Variants in XKR4 observed in about 807,000 individuals in gnomAD.
The protein encoded by XKR4 is XK-related protein 4.
XKR4 carries 12 observed loss-of-function variants against 53.9 expected under a neutral mutation model. The ratio of observed to expected loss-of-function variants is 0.22; its 90% CI spans 0.14 to 0.36. The LOEUF is 0.36. Among genes scored for constraint, XKR4 ranks in the 10% least tolerant of loss-of-function variants. The pLI, the probability that XKR4 is intolerant of heterozygous loss-of-function variation, is 1.00. For synonymous variants in XKR4, 354 were observed against 362.4 expected (o/e 0.98, Z 0.26); for missense variants, 799 against 859.5 (o/e 0.93, Z 0.88).
intron 2 of XKR4, among the ~76,000 whole-genome samples, chr8:55,503,012 A>G (rs552238844): frequency 4.6e-5 from 7 of 152,016 alleles, no homozygotes; most frequent in African/African-American, 1.7e-4. Context: ...TTGACCATCT[A>G]TGTGGGGGTA....
intron 2 of XKR4, among the ~76,000 whole-genome samples, chr8:55,444,539 G>A (rs1306255520): frequency 6.6e-6 from 1 of 152,124 alleles, no homozygotes; most frequent in African/African-American, 2.4e-5. Context: ...TGAATGATTT[G>A]GGCATTTCAC....
At chr8:55,255,020 G>A (rs7008285) in intron 1 of XKR4, among the ~76,000 whole-genome samples, 76,118 of 152,100 alleles carry the variant, frequency 0.5, 21,945 homozygotes, top group Non-Finnish European at 0.66. Flanking sequence ...CCAGTGCACC[G>A]AATTTAAGCT....
At chr8:55,505,592 T>A (rs1255424439) in intron 2 of XKR4, among the ~76,000 whole-genome samples, 2 of 152,184 alleles carry the variant, frequency 1.3e-5, no homozygotes, top group Non-Finnish European at 2.9e-5. Context: ...AAAGAGTATG[T>A]AGTTTAATTT....
intron 2 of XKR4, among the ~76,000 whole-genome samples, chr8:55,402,301 G>C (rs118041923): frequency 6.6e-6 from 1 of 152,340 alleles, no homozygotes; most frequent in Non-Finnish European, 1.5e-5. Flanking sequence ...CCCTGGCTGT[G>C]TTTGCTCTGG....
intron 2 of XKR4, among the ~76,000 whole-genome samples, chr8:55,483,910 C>A (rs1347358412): frequency 1.3e-5 from 2 of 152,026 alleles, no homozygotes; most frequent in African/African-American, 4.8e-5. Context: ...AAAGCTGGTT[C>A]TTTGAAAAGA....
chr8:55,227,187 A>G (rs1177502956), intron 1 of XKR4, among the ~76,000 whole-genome samples: 7 of 152,156 alleles, frequency 4.6e-5, no homozygotes, highest in Admixed American at 6.5e-5. Context: ...TCCCTACCCT[A>G]TGAGCAACTC....
At chr8:55,348,000 A>T (rs1047467022) in intron 1 of XKR4, among the ~76,000 whole-genome samples, 1 of 152,020 alleles carries the variant, frequency 6.6e-6, no homozygotes, top group African/African-American at 2.4e-5. Context: ...GTGAGCCCCA[A>T]CCTCCACCCT....
At position 55,233,226 on chromosome 8, in the gene XKR4, A is replaced by G. The variant is rs537394237; in HGVS notation, c.807-124452A>G. ...GCTTCAGAAAGGGAGGAACTGGAGC[A>G]TTTTTGTTGATCTCTGCAGCAATAA... On this transcript the variant is annotated intron_variant, in intron 1 of 2. Transcript: ENST00000327381. 3.9e-5 allele frequency among the ~76,000 whole-genome samples: 6 copies of G among 152,320 alleles called. No individual in the cohort carries two copies. The East Asian group carries it at 1.2e-3, about 29-fold the overall frequency.
intron 1 of XKR4, among the ~76,000 whole-genome samples, chr8:55,182,656 T>G (rs1289818914): frequency 1.3e-5 from 2 of 152,218 alleles, no homozygotes; most frequent in Non-Finnish European, 2.9e-5. Flanking sequence ...CAGCTCTATG[T>G]GTCTATGGCT....
rs996785052 is a variant in XKR4, at chr8:55,295,071, G to A, written c.807-62607G>A. On this transcript the variant is annotated intron_variant, in intron 1 of 2. Transcript: ENST00000327381. ...TGATAAAAATAATCTACAAAAATAC[G>A]CATTTTATTATCATTATTCACATAT... is the stretch of plus-strand genomic sequence containing the variant. Among the ~76,000 whole-genome samples, 6 of 152,094 alleles carry A rather than the reference G, an allele frequency of 3.9e-5. No homozygotes were observed. The East Asian group carries it at 5.8e-4, about 15-fold the overall frequency.
intron 1 of XKR4, 53 bp downstream of exon 1, chr8:55,103,347 A>G: frequency 6.5e-7 from 1 of 1,530,564 alleles, no homozygotes; most frequent in Non-Finnish European, 8.8e-7. Context: ...CTACATCCCC[A>G]CTGCTTTGCT....
At chr8:55,462,834 G>A (rs1490991386) in intron 2 of XKR4, among the ~76,000 whole-genome samples, 2 of 152,190 alleles carry the variant, frequency 1.3e-5, no homozygotes, top group African/African-American at 4.8e-5. Context: ...CCTAGTCTCA[G>A]GTAAAACAGA....
chr8:55,132,426 G>A (rs1480776127), intron 1 of XKR4, among the ~76,000 whole-genome samples: 3 of 152,074 alleles, frequency 2.0e-5, no homozygotes, highest in Non-Finnish European at 2.9e-5. Flanking sequence ...CTATGATAAA[G>A]TTTAAATTAG....
At chr8:55,318,606 C>A (rs1186510149) in intron 1 of XKR4, among the ~76,000 whole-genome samples, 2 of 152,184 alleles carry the variant, frequency 1.3e-5, no homozygotes, top group African/African-American at 4.8e-5. Flanking sequence ...GAGATTAATG[C>A]TTGCTACCTG....
intron 1 of XKR4, among the ~76,000 whole-genome samples, chr8:55,118,874 G>A (rs1816349578): frequency 1.3e-5 from 2 of 151,858 alleles, no homozygotes; most frequent in African/African-American, 4.8e-5. Context: ...CGAAGTTCAT[G>A]GCACAAAAAT....
chr8:55,103,233 T>G lies in XKR4; in HGVS notation c.745T>G (p.Ser249Ala). 6.2e-7 allele frequency: 1 copy of G among 1,613,916 alleles called. No homozygotes were observed. Among genetic ancestry groups the G allele is most frequent in the Non-Finnish European group, 8.5e-7 (1 of 1,179,912 alleles). ...TGGCAAGCACAGGTCTGCGTCCTGCTCCTTCTGCATCTGGCTCCTGCAGTC... is the reference window on the plus strand; with the variant it reads ...TGGCAAGCACAGGTCTGCGTCCTGCGCCTTCTGCATCTGGCTCCTGCAGTC... ...ASGKHRSASC[S>A]FCIWLLQSLI... is the part of the protein sequence containing the mutation. Residue 249 changes from serine to alanine, a missense_variant, in exon 1 of 3, where the codon TCC (serine) becomes GCC (alanine). Physicochemically the swap from Ser to Ala is moderately conservative, Grantham distance 99 (BLOSUM62 1). This residue lies in a region of XKR4 where 476 missense variants were observed against 505.4 expected (regional missense o/e 0.94). Transcript: ENST00000327381.
chr8:55,169,232 A>C (rs1817115883), intron 1 of XKR4, among the ~76,000 whole-genome samples: 1 of 152,268 alleles, frequency 6.6e-6, no homozygotes, highest in South Asian at 2.1e-4. Flanking sequence ...TGTCTATCTT[A>C]TTTCCCTTAC....
intron 2 of XKR4, among the ~76,000 whole-genome samples, chr8:55,365,424 G>C (rs1322426225): frequency 6.6e-6 from 1 of 152,230 alleles, no homozygotes; most frequent in Non-Finnish European, 1.5e-5. Flanking sequence ...AAAGAAGGGG[G>C]CTGGACGCGG....
At chr8:55,199,390 T>G (rs992372548) in intron 1 of XKR4, among the ~76,000 whole-genome samples, 2 of 152,170 alleles carry the variant, frequency 1.3e-5, no homozygotes, top group African/African-American at 4.8e-5. Context: ...TAATTGTTAG[T>G]TTTTGTCATC....
Sources: allele counts gnomAD v4.1 joint callset (sites outside exome capture counted in the v4.1 genomes callset), GRCh38; gene constraint gnomAD v4.1.1; regional missense constraint gnomAD v4.1.1; transcripts MANE v1.5; gene names NCBI Gene and HGNC (gene_info 2026-07-23, HGNC 2026-07-21).